BCAP29: variants seen among roughly 807,000 people sequenced by gnomAD.
BCAP29 encodes B cell receptor associated protein 29, also known as B-cell receptor-associated protein 29.
Under a neutral mutation model 31.8 loss-of-function variants are expected in BCAP29, and 34 were observed. That is an observed-to-expected ratio of 1.07 (90% CI 0.81 to 1.42). The LOEUF is 1.42. BCAP29 is among the 40% of genes most tolerant of loss of function. The pLI, the probability that BCAP29 is intolerant of heterozygous loss-of-function variation, is 0.00. For missense variants in BCAP29, 314 were observed against 269.2 expected (o/e 1.17, Z -1.16); for synonymous variants, 104 against 91.3 (o/e 1.14, Z -0.79).
rs1040266052 is a variant in BCAP29 at position 107,618,561 on chromosome 7, C to G, written c.*198C>G. On this transcript the variant is annotated 3_prime_UTR_variant, in exon 8 of 8. Coordinates refer to ENST00000005259, the MANE Select transcript of BCAP29 (RefSeq NM_018844.4). The stretch of plus-strand genomic sequence containing the variant: ...ATATTGCAAAGTCTGTATTCCAGCT[C>G]TTAAGAAAAATATAAGCATGTTAAA... The G allele has an allele frequency of 6.3e-7, 1 of 1,596,694 alleles. No individual in the cohort carries two copies. Among genetic ancestry groups the G allele is most frequent in the African/African-American group, 1.3e-5 (1 of 74,434 alleles).
intron 6 of BCAP29, among the ~76,000 whole-genome samples, chr7:107,610,034 G>A (rs757568087): frequency 4.6e-5 from 7 of 152,104 alleles, no homozygotes; most frequent in South Asian, 2.1e-4. Context: ...ACATTTACAC[G>A]GTACATTAGT....
At chr7:107,584,041 A>G in intron 3 of BCAP29, 59 bp downstream of exon 3, 1 of 979,974 alleles carries the variant, frequency 1.0e-6, no homozygotes, top group Admixed American at 2.7e-5. Context: ...ATTTCTTTTT[A>G]ATTAATAGAG....
chr7:107,582,914 C>G (rs1351362596), intron 2 of BCAP29, among the ~76,000 whole-genome samples: 1 of 152,048 alleles, frequency 6.6e-6, no homozygotes. Flanking sequence ...GACTTGGAAG[C>G]AGAGACAAAA....
At position 107,585,442 on chromosome 7, in the gene BCAP29, A is replaced by G. The variant is rs78548117; in HGVS notation, c.193+1460A>G. ...ATCTCTAGCCATATAACTAGTTATG[A>G]GAAGTCAGTAAAGAACAATAAGGAA... On this transcript the variant is annotated intron_variant, in intron 3 of 7. Transcript: ENST00000005259. Among the ~76,000 whole-genome samples the G allele has an allele frequency of 4.7e-3, 719 of 152,326 alleles. 9 individuals are homozygous for G. Among genetic ancestry groups the G allele is most frequent in the African/African-American group, 0.016 (661 of 41,582 alleles).
rs137937432 is a variant in BCAP29 at position 107,607,060 on chromosome 7, A to G, written c.590-6272A>G. ...CCGGGCGCAGTGGCTCACGCCTGTA[A>G]TCCCAGCACTTTGGGAGGCCGGGGC... On this transcript the variant is annotated intron_variant, in intron 6 of 7. Transcript: ENST00000005259. Among the ~76,000 whole-genome samples, 1,115 of 152,322 alleles carry G rather than the reference A, an allele frequency of 7.3e-3. 26 individuals are homozygous for G. In the East Asian group the frequency reaches 0.074, roughly 10 times the overall value.
At chr7:107,598,356 T>G (rs938819884) in intron 5 of BCAP29, among the ~76,000 whole-genome samples, 1 of 152,204 alleles carries the variant, frequency 6.6e-6, no homozygotes, top group Non-Finnish European at 1.5e-5. Context: ...TGAGAAGATA[T>G]GAGGCTCCTT....
Position 107,594,123 on chromosome 7 carries a change from A to G in BCAP29, c.344+18A>G. The G allele has an allele frequency of 1.3e-6, 2 of 1,566,684 alleles. No individual in the cohort carries two copies. The highest frequency in any genetic ancestry group is 2.2e-5 in the East Asian group (1 of 44,642). On this transcript the variant is annotated intron_variant, in intron 4 of 7. Transcript: ENST00000005259. ...TTTTGGCTGTAAGTAAAAAATAATA[A>G]TAGAAGCACAATTTAAAAACATGAC... is the stretch of plus-strand genomic sequence containing the variant.
Position 107,618,324 on chromosome 7 carries a change from A to G in BCAP29, c.691-4A>G. Reference sequence around the variant, plus strand: ...CTACATAAATCATATTTTTTTCCTTACAGGATCGTTTAGAAAGAGGCAACA... The same window carrying G: ...CTACATAAATCATATTTTTTTCCTTGCAGGATCGTTTAGAAAGAGGCAACA... On this transcript the variant is annotated splice_polypyrimidine_tract_variant and splice_region_variant and intron_variant, in intron 7 of 7. Transcript: ENST00000005259. 1 of 1,567,658 alleles carries G rather than the reference A, an allele frequency of 6.4e-7. No homozygotes were observed.
chr7:107,618,394 G>T lies in BCAP29; in HGVS notation c.*31G>T. 6.2e-7 allele frequency: 1 copy of T among 1,611,790 alleles called. No individual in the cohort carries two copies. Among genetic ancestry groups the T allele is most frequent in the Non-Finnish European group, 8.5e-7 (1 of 1,178,388 alleles). On this transcript the variant is annotated 3_prime_UTR_variant, in exon 8 of 8. Transcript: ENST00000005259. ...ATAAAAGACACTTGCAATATACTGT[G>T]TCAAAATGATAATTTTGTTATGTTA...
At chr7:107,599,709 A>T (rs1810798726) in intron 5 of BCAP29, among the ~76,000 whole-genome samples, 1 of 152,096 alleles carries the variant, frequency 6.6e-6, no homozygotes, top group Non-Finnish European at 1.5e-5. Context: ...AATACAGATG[A>T]TTAAATTTTT....
intron 7 of BCAP29, chr7:107,615,568 C>A: frequency 7.3e-6 from 2 of 272,654 alleles, no homozygotes; most frequent in Non-Finnish European, 1.5e-5. Flanking sequence ...TGCACTCCAG[C>A]CTGGGTGACA....
intron 3 of BCAP29, chr7:107,587,850 T>G (rs1398332345): frequency 1.3e-5 from 2 of 151,838 alleles, no homozygotes; most frequent in African/African-American, 4.8e-5. Context: ...ACCAGATAGT[T>G]TTATAAGAAA....
chr7:107,597,047 G>A (rs1809982343), intron 5 of BCAP29, among the ~76,000 whole-genome samples: 1 of 152,162 alleles, frequency 6.6e-6, no homozygotes, highest in Non-Finnish European at 1.5e-5. Flanking sequence ...TACACAGTGG[G>A]GAGAAAGTCT....
At chr7:107,597,400 A>T (rs1348190788) in intron 5 of BCAP29, among the ~76,000 whole-genome samples, 1 of 152,098 alleles carries the variant, frequency 6.6e-6, no homozygotes, top group Non-Finnish European at 1.5e-5. Flanking sequence ...TCTATCAGAG[A>T]CACATTATCC....
chr7:107,621,872 C>G (rs533730115), downstream of BCAP29: 4 of 534,382 alleles, frequency 7.5e-6, no homozygotes, highest in Admixed American at 1.9e-5. Context: ...TTCAAGCTAT[C>G]AAGTTTGTGA....
intron 6 of BCAP29, 53 bp downstream of exon 6, chr7:107,600,558 T>G (rs898743245): frequency 9.4e-7 from 1 of 1,059,470 alleles, no homozygotes; most frequent in Admixed American, 2.1e-5. Context: ...TATTTTATGC[T>G]GTACACTTCA....
At chr7:107,587,282 T>G (rs1160950102) in intron 3 of BCAP29, 1 of 152,242 alleles carries the variant, frequency 6.6e-6, no homozygotes, top group Non-Finnish European at 1.5e-5. Context: ...CATCCTTCCC[T>G]TATTGTTGAC....
chr7:107,619,162 A>G lies in BCAP29; in HGVS notation c.*799A>G, dbSNP rs910265719. 6.6e-6 allele frequency: 1 copy of G among 152,530 alleles called. No individual in the cohort carries two copies. The highest frequency in any genetic ancestry group is 1.5e-5 in the Non-Finnish European group (1 of 67,946). The allele number at this position is 152,530 out of a possible 1,614,324, so 9.4% of individuals were successfully genotyped here. ...AATATCCAAAAAGCAGTATTTCTAG[A>G]AAGTGTCCAAAAAGCAGTATTTCTT... On this transcript the variant is annotated 3_prime_UTR_variant, in exon 8 of 8. Transcript: ENST00000005259.
chr7:107,580,969 A>T, intron 2 of BCAP29, 105 bp downstream of exon 2: 2 of 708,712 alleles, frequency 2.8e-6, no homozygotes, highest in Non-Finnish European at 4.4e-6. Flanking sequence ...TTTGAAAATA[A>T]ACTCACCTAA....
Sources: gnomAD v4.1 joint callset for allele counts (sites outside exome capture counted in the v4.1 genomes callset) on GRCh38, gnomAD v4.1.1 for gene constraint, MANE v1.5 for transcripts, NCBI Gene and HGNC (gene_info 2026-07-23, HGNC 2026-07-21) for gene names.